The following COMMD10 variants were observed in gnomAD, a reference collection of about 807,000 sequenced individuals.
COMMD10 encodes COMM domain-containing protein 10.
A neutral mutation model predicts 28.9 loss-of-function variants in COMMD10; 33 were observed. The observed-to-expected ratio is 1.14, with a 90% CI of 0.87 to 1.53. The LOEUF (loss-of-function observed/expected upper bound fraction) is 1.53, where lower values mean the gene tolerates loss of function less well. Ranked by LOEUF, COMMD10 falls within the 40% of genes most tolerant of loss-of-function variation. The pLI is 0.00. For missense variants in COMMD10, 310 were observed against 233.4 expected, an observed-to-expected ratio of 1.33 and a Z score of -2.14; for synonymous variants, 110 against 81.7, an observed-to-expected ratio of 1.35 and a Z score of -1.87.
chr5:116,109,229 C>T (rs948543849), intron 4 of COMMD10, among the ~76,000 whole-genome samples: 3 of 152,118 alleles, frequency 2.0e-5, no homozygotes, highest in African/African-American at 7.2e-5. Context: ...GTTCAGTTTT[C>T]TTTCGTCAGT....
intron 5 of COMMD10, among the ~76,000 whole-genome samples, chr5:116,207,296 C>CTA (rs1748838013): frequency 6.6e-6 from 1 of 152,038 alleles, no homozygotes; most frequent in African/African-American, 2.4e-5. Flanking sequence ...TGTTTTATTA[C>CTA]TAATAGTTTA....
intron 4 of COMMD10, among the ~76,000 whole-genome samples, chr5:116,110,630 T>C (rs559478456): frequency 6.6e-6 from 1 of 152,174 alleles, no homozygotes; most frequent in Non-Finnish European, 1.5e-5. Flanking sequence ...TACACAGAAA[T>C]ACCTGTGACT....
intron 5 of COMMD10, among the ~76,000 whole-genome samples, chr5:116,210,865 C>G (rs1314762081): frequency 6.6e-6 from 1 of 151,982 alleles, no homozygotes; most frequent in East Asian, 1.9e-4. Flanking sequence ...AAAATAGAAG[C>G]AAGCAAGTAA....
intron 5 of COMMD10, among the ~76,000 whole-genome samples, chr5:116,272,714 T>C (rs1416216900): frequency 6.6e-6 from 1 of 151,840 alleles, no homozygotes; most frequent in Non-Finnish European, 1.5e-5. Flanking sequence ...CATTGAAAGC[T>C]CTGTTCTTGT....
chr5:116,184,646 A>G (rs539693687), intron 5 of COMMD10, among the ~76,000 whole-genome samples: 5 of 152,274 alleles, frequency 3.3e-5, no homozygotes, highest in African/African-American at 1.2e-4. Flanking sequence ...GTTATTTACC[A>G]AAAGAAAACA....
intron 5 of COMMD10, among the ~76,000 whole-genome samples, chr5:116,274,594 G>C (rs574475086): frequency 6.6e-6 from 1 of 151,800 alleles, no homozygotes; most frequent in South Asian, 2.1e-4. Context: ...CCCCATCACT[G>C]CACCAAAATA....
chr5:116,138,188 A>T (rs1752086823), intron 5 of COMMD10, among the ~76,000 whole-genome samples: 1 of 151,928 alleles, frequency 6.6e-6, no homozygotes, highest in Non-Finnish European at 1.5e-5. Flanking sequence ...AAATAAATGA[A>T]ATCATCATGA....
At chr5:116,279,246 G>T (rs758204970) in intron 5 of COMMD10, among the ~76,000 whole-genome samples, 1 of 151,826 alleles carries the variant, frequency 6.6e-6, no homozygotes, top group Non-Finnish European at 1.5e-5. Context: ...ATGGGCCAGA[G>T]TTTGGAAGTC....
chr5:116,144,800 T>G (rs192699871), intron 5 of COMMD10, among the ~76,000 whole-genome samples: 2 of 151,812 alleles, frequency 1.3e-5, no homozygotes, highest in African/African-American at 4.8e-5. Context: ...AGAGTGGAAG[T>G]AGTGATACAG....
At chr5:116,193,473 G>T (rs1748426959) in intron 5 of COMMD10, among the ~76,000 whole-genome samples, 1 of 152,116 alleles carries the variant, frequency 6.6e-6, no homozygotes, top group African/African-American at 2.4e-5. Flanking sequence ...AAGTAAAGGG[G>T]TGGAAAAAGG....
intron 5 of COMMD10, among the ~76,000 whole-genome samples, chr5:116,266,952 T>G (rs1477931245): frequency 6.6e-6 from 1 of 151,842 alleles, no homozygotes; most frequent in African/African-American, 2.4e-5. Flanking sequence ...TATCTCAAAA[T>G]AATAAGAGCT....
intron 5 of COMMD10, among the ~76,000 whole-genome samples, chr5:116,152,915 C>G (rs1687038972): frequency 6.6e-6 from 1 of 151,996 alleles, no homozygotes. Flanking sequence ...CAGATGAGTA[C>G]AATAATTTAT....
intron 5 of COMMD10, among the ~76,000 whole-genome samples, chr5:116,201,548 G>C (rs955361668): frequency 2.0e-5 from 3 of 152,204 alleles, no homozygotes; most frequent in Admixed American, 2.0e-4. Flanking sequence ...CTCCAATCTG[G>C]GGGGCAATGG....
At chr5:116,240,269 AAGGT>A (rs1468443454) in intron 5 of COMMD10, among the ~76,000 whole-genome samples, 6 of 152,082 alleles carry the variant, frequency 3.9e-5, no homozygotes, top group Non-Finnish European at 8.8e-5. Context: ...TGGGAAGAGA[AAGGT>A]AAGGTGAGAT....
intron 5 of COMMD10, among the ~76,000 whole-genome samples, chr5:116,262,645 G>A (rs1316643683): frequency 6.6e-6 from 1 of 151,806 alleles, no homozygotes; most frequent in Non-Finnish European, 1.5e-5. Flanking sequence ...TATTAAGTCT[G>A]TGTATTCCCA....
chr5:116,193,069 A>G (rs750202844), intron 5 of COMMD10, among the ~76,000 whole-genome samples: 2 of 152,208 alleles, frequency 1.3e-5, no homozygotes, highest in African/African-American at 4.8e-5. Flanking sequence ...GCTAAGCATC[A>G]TATATAAAGG....
chr5:116,223,794 G>A (rs1448534083), intron 5 of COMMD10, among the ~76,000 whole-genome samples: 1 of 152,126 alleles, frequency 6.6e-6, no homozygotes, highest in Admixed American at 6.5e-5. Flanking sequence ...AAGAGGTGAA[G>A]CCAGACTGGA....
intron 5 of COMMD10, among the ~76,000 whole-genome samples, chr5:116,237,582 G>A (rs993263223): frequency 6.6e-6 from 1 of 152,082 alleles, no homozygotes; most frequent in Non-Finnish European, 1.5e-5. Context: ...GGCTGAGGTG[G>A]GAGGATCACT....
chr5:116,231,824 GTACT>G (rs1248447557), intron 5 of COMMD10, among the ~76,000 whole-genome samples: 2 of 151,740 alleles, frequency 1.3e-5, no homozygotes, highest in African/African-American at 4.8e-5. Flanking sequence ...GAATATGGGA[GTACT>G]TACTTCAAGA....
Sources: allele counts gnomAD v4.1 joint callset (sites outside exome capture counted in the v4.1 genomes callset), GRCh38; gene constraint gnomAD v4.1.1; transcripts MANE v1.5; gene names NCBI Gene and HGNC (gene_info 2026-07-23, HGNC 2026-07-21).